Variants in SIMC1 observed in about 807,000 individuals in gnomAD.
SIMC1 encodes SUMO interacting motifs containing 1.
A neutral mutation model predicts 82.3 loss-of-function variants in SIMC1; 55 were observed. That is an observed-to-expected ratio of 0.67 (90% CI 0.54 to 0.84). The LOEUF (loss-of-function observed/expected upper bound fraction) is 0.84, where lower values mean the gene tolerates loss of function less well. Ranked by LOEUF, SIMC1 falls within the 40% of genes least tolerant of loss-of-function variation. SIMC1 has a pLI of 0.00. For synonymous variants in SIMC1, 353 were observed against 426.3 expected (o/e 0.83, Z 2.12); for missense variants, 915 against 1,107.2 (o/e 0.83, Z 2.46).
chr5:176,290,984 G>C (rs1763535465), intron 2 of SIMC1, 29 bp downstream of exon 2: 2 of 1,493,832 alleles, frequency 1.3e-6, no homozygotes, highest in African/African-American at 1.4e-5. Context: ...TCAGGGATTA[G>C]GTGTCCTTTC....
intron 1 of SIMC1, among the ~76,000 whole-genome samples, chr5:176,246,783 G>A (rs28414997): frequency 5.0e-4 from 76 of 151,164 alleles, no homozygotes; most frequent in African/African-American, 1.3e-3. Context: ...CAACAGGCCC[G>A]GGTGTGTGAT....
In SIMC1 at chr5:176,345,252, A is replaced by G. The variant is rs1766398704; in HGVS notation, c.2483A>G (p.Gln828Arg). 1.9e-6 allele frequency: 3 copies of G among 1,614,000 alleles called. No individual in the cohort carries two copies. The East Asian group carries it at 6.7e-5, about 36-fold the overall frequency. The change falls in exon 10 of 10, where the codon CAA becomes CGA. Residue 828 changes from glutamine to arginine, a missense_variant. Around this residue, in one of 2 missense-constraint regions of SIMC1, gnomAD observed 902 missense variants for 1,040.3 expected, o/e 0.87. Coordinates refer to ENST00000429602, the MANE Select transcript of SIMC1 (RefSeq NM_001308195.2). The stretch of plus-strand genomic sequence containing the variant: ...AAAAGGATTAAGCCCAAACCCCAGC[A>G]AGGAGATGACATCACAGTGGTAGAC... ...IIKRIKPKPQQGDDITVVDVE... is the reference protein window; with the variant it reads ...IIKRIKPKPQRGDDITVVDVE...
chr5:176,283,310 A>G (rs1475334772), intron 1 of SIMC1, among the ~76,000 whole-genome samples: 4 of 152,232 alleles, frequency 2.6e-5, no homozygotes, highest in Non-Finnish European at 5.9e-5. Flanking sequence ...AGCCCATCAG[A>G]CTAACAGCTA....
At position 176,281,594 on chromosome 5, in the gene SIMC1, G is replaced by A. The variant is rs1451983273; in HGVS notation, c.130-8060G>A. Among the ~76,000 whole-genome samples, 8 of 152,020 alleles carry A rather than the reference G, an allele frequency of 5.3e-5. No homozygotes were observed. The South Asian group carries it at 6.2e-4, about 12-fold the overall frequency. On this transcript the variant is annotated intron_variant, in intron 1 of 9. Transcript: ENST00000429602. ...TTGGTCTTTGATGATGGTGATGTAC[G>A]GATGGGTTTTTGGTGTGGATGTCCT...
chr5:176,317,078 A>G lies in SIMC1; in HGVS notation c.1889+3233A>G, dbSNP rs571781110. 5.3e-5 allele frequency among the ~76,000 whole-genome samples: 8 copies of G among 152,316 alleles called. 1 individual carries two copies. In the South Asian group the frequency reaches 1.7e-3, roughly 32 times the overall value. Reference sequence around the variant, plus strand: ...CCTCTGTTTTGTGCTTACTCAATGAAAAAAATCATTTGTTTCAGTTGGCAG... The same window carrying G: ...CCTCTGTTTTGTGCTTACTCAATGAGAAAAATCATTTGTTTCAGTTGGCAG... On this transcript the variant is annotated intron_variant, in intron 5 of 9. Coordinates refer to ENST00000429602, the MANE Select transcript of SIMC1 (RefSeq NM_001308195.2).
intron 1 of SIMC1, among the ~76,000 whole-genome samples, chr5:176,247,110 T>C (rs920210311): frequency 1.3e-5 from 2 of 152,124 alleles, no homozygotes; most frequent in African/African-American, 4.8e-5. Context: ...TTATAATCCT[T>C]TGGGTATATA....
At position 176,290,927 on chromosome 5, in the gene SIMC1, C is replaced by T. The variant is rs775642620; in HGVS notation, c.1403C>T (p.Thr468Met). 2.9e-5 allele frequency: 46 copies of T among 1,602,268 alleles called. No individual in the cohort carries two copies. The highest frequency in any genetic ancestry group is 5.1e-5 in the Admixed American group (3 of 59,086). The change falls in exon 2 of 10, where the codon ACG becomes ATG. Residue 468 changes from threonine to methionine, a missense_variant. Physicochemically the swap from Thr to Met is moderately conservative, Grantham distance 81. Coordinates refer to ENST00000429602, the MANE Select transcript of SIMC1 (RefSeq NM_001308195.2). ...RPPVHHLFFQ[T>M]LIPDKDTREN... is the part of the protein sequence containing the mutation. ...CCGGTTCATCACCTCTTCTTTCAGA[C>T]GCTAATACCGGATAAAGACACAAGA...
At position 176,290,663 on chromosome 5, in the gene SIMC1, A is replaced by G; in HGVS notation, c.1139A>G (p.Asn380Ser). The change falls in exon 2 of 10, where the codon AAC (asparagine) becomes AGC (serine). Residue 380 changes from asparagine to serine, a missense_variant. By Grantham distance (46) the Asn-to-Ser change is conservative (BLOSUM62 1). Around this residue, in one of 2 missense-constraint regions of SIMC1, gnomAD observed 902 missense variants for 1,040.3 expected, o/e 0.87. Coordinates refer to ENST00000429602, the MANE Select transcript of SIMC1 (RefSeq NM_001308195.2). Reference protein sequence around the residue: ...RPDFTQNDVQNRDMPMDISAL... With the variant: ...RPDFTQNDVQSRDMPMDISAL... The stretch of plus-strand genomic sequence containing the variant: ...GACTTTACCCAGAATGATGTACAGA[A>G]CCGTGACATGCCTATGGATATCTCA... 6.2e-7 allele frequency: 1 copy of G among 1,613,956 alleles called. No homozygotes were observed. The highest frequency in any genetic ancestry group is 1.1e-5 in the South Asian group (1 of 91,072).
intron 4 of SIMC1, chr5:176,308,190 A>G: frequency 1.4e-6 from 2 of 1,441,902 alleles, no homozygotes; most frequent in Non-Finnish European, 1.9e-6. Flanking sequence ...GGGGAGTTGA[A>G]CAATGATACA....
chr5:176,299,221 CT>C (rs1763940115), intron 4 of SIMC1, among the ~76,000 whole-genome samples: 1 of 152,138 alleles, frequency 6.6e-6, no homozygotes, highest in Admixed American at 6.6e-5. Context: ...TAGAAAGACT[CT>C]TGTCTCTAAA....
In SIMC1 at chr5:176,300,160, AAAAG is replaced by A. The variant is rs1355300508; in HGVS notation, c.1734+3846_1734+3849del. ...AGATGTAAATAAATGCTTGCACTGAAAAAGAAAGATCTCAAACCAACAACCTGAG... is the reference window on the plus strand; with the variant it reads ...AGATGTAAATAAATGCTTGCACTGAAAAAGATCTCAAACCAACAACCTGAG... On this transcript the variant is annotated intron_variant, in intron 4 of 9. Coordinates refer to ENST00000429602, the MANE Select transcript of SIMC1 (RefSeq NM_001308195.2). Among the ~76,000 whole-genome samples the A allele has an allele frequency of 2.0e-5, 3 of 152,350 alleles. No homozygotes were observed. The East Asian group carries it at 5.8e-4, about 29-fold the overall frequency.
chr5:176,329,423 A>T (rs2113387852), intron 7 of SIMC1, among the ~76,000 whole-genome samples: 1 of 151,160 alleles, frequency 6.6e-6, no homozygotes, highest in Admixed American at 6.6e-5. Context: ...GTGAGCAGAG[A>T]TAGAGATAGT....
At chr5:176,305,756 G>A (rs537389006) in intron 4 of SIMC1, among the ~76,000 whole-genome samples, 195 of 41,940 alleles carry the variant, frequency 4.6e-3, no homozygotes, top group Non-Finnish European at 5.4e-3. Context: ...GGAGGGAGGT[G>A]AGGGGGTCAG....
chr5:176,318,092 G>A (rs778119550), intron 5 of SIMC1, among the ~76,000 whole-genome samples: 2 of 152,190 alleles, frequency 1.3e-5, no homozygotes, highest in Non-Finnish European at 2.9e-5. Flanking sequence ...TTAGTTGTGG[G>A]AGGGGACAAA....
In SIMC1 at chr5:176,332,518, G is replaced by A. The variant is rs112975152; in HGVS notation, c.2172-4202G>A. Among the ~76,000 whole-genome samples the A allele has an allele frequency of 6.2e-3, 936 of 152,184 alleles. 16 individuals are homozygous for A. The highest frequency in any genetic ancestry group is 0.021 in the African/African-American group (886 of 41,544). On this transcript the variant is annotated intron_variant, in intron 7 of 9. Transcript: ENST00000429602. ...TTGGTCAGGCTAGTCTCGAACTCCC[G>A]ACCTCAGGTTATCCACCCGCCTCAG...
At chr5:176,343,663 C>T (rs1163208915) in intron 9 of SIMC1, among the ~76,000 whole-genome samples, 1 of 152,156 alleles carries the variant, frequency 6.6e-6, no homozygotes, top group Non-Finnish European at 1.5e-5. Context: ...GATAAGTGCG[C>T]CATCATAATT....
chr5:176,277,706 A>G (rs1344133974), intron 1 of SIMC1, among the ~76,000 whole-genome samples: 5 of 152,024 alleles, frequency 3.3e-5, no homozygotes, highest in Non-Finnish European at 7.3e-5. Flanking sequence ...TAACTAGGGA[A>G]TCCTTTCCCC....
At chr5:176,308,777 C>G in intron 4 of SIMC1, 1 of 1,305,490 alleles carries the variant, frequency 7.7e-7, no homozygotes, top group Non-Finnish European at 1.1e-6. Flanking sequence ...TGCCCAAGAT[C>G]CTGTGCCAGG....
intron 1 of SIMC1, among the ~76,000 whole-genome samples, chr5:176,260,829 G>A (rs1034455342): frequency 4.6e-5 from 7 of 152,076 alleles, no homozygotes; most frequent in Non-Finnish European, 7.4e-5. Flanking sequence ...TGGCAGATGC[G>A]CAGAAATGGC....
Sources: gnomAD v4.1 joint callset for allele counts (sites outside exome capture counted in the v4.1 genomes callset) on GRCh38, gnomAD v4.1.1 for gene constraint, gnomAD v4.1.1 regional missense constraint, MANE v1.5 for transcripts, NCBI Gene and HGNC (gene_info 2026-07-23, HGNC 2026-07-21) for gene names.